Variants in RFPL1 observed in about 807,000 individuals in gnomAD.
RFPL1 encodes ret finger protein-like 1.
In RFPL1, 6 loss-of-function variants were observed where a neutral mutation model predicts 9.6. That is an observed-to-expected ratio of 0.62 (90% CI 0.34 to 1.23). The LOEUF is 1.23. Ranked by LOEUF, RFPL1 falls within the 50% of genes most tolerant of loss-of-function variation. The probability of loss-of-function intolerance (pLI) is 0.03; values close to 1 mark genes in which losing one functional copy is unlikely to be tolerated. For synonymous variants in RFPL1, 145 were observed against 149.4 expected, an observed-to-expected ratio of 0.97 and a Z score of 0.22; for missense variants, 352 against 398.4, an observed-to-expected ratio of 0.88 and a Z score of 0.99.
upstream of RFPL1, among the ~76,000 whole-genome samples, chr22:29,434,001 T>TCACA (rs3216870): frequency 0.01 from 1,548 of 149,100 alleles, 23 homozygotes; most frequent in African/African-American, 0.033. Context: ...TGACACACAC[T>TCACA]CACACACACA....
At chr22:29,412,125 C>A in the RFPL1 span, among the ~76,000 whole-genome samples, 2 of 152,088 alleles carry the variant, frequency 1.3e-5, no homozygotes, top group Non-Finnish European at 2.9e-5. Flanking sequence ...GTGAGAGGGG[C>A]AGAACAGGAA....
At chr22:29,413,560 C>T in the RFPL1 span, among the ~76,000 whole-genome samples, 1 of 152,114 alleles carries the variant, frequency 6.6e-6, no homozygotes, top group Non-Finnish European at 1.5e-5. Flanking sequence ...AGCCAAACAC[C>T]ATTTTATATT....
chr22:29,399,820 T>C, the RFPL1 span, among the ~76,000 whole-genome samples: 42 of 152,172 alleles, frequency 2.8e-4, no homozygotes, highest in Admixed American at 3.9e-4. Flanking sequence ...CTTCTCGCAG[T>C]TGTTGCTTTT....
At chr22:29,405,105 T>C in the RFPL1 span, among the ~76,000 whole-genome samples, 1 of 152,154 alleles carries the variant, frequency 6.6e-6, no homozygotes, top group Non-Finnish European at 1.5e-5. Flanking sequence ...AAATATACTA[T>C]GATATATCAA....
chr22:29,420,023 A>C, the RFPL1 span, among the ~76,000 whole-genome samples: 3 of 152,148 alleles, frequency 2.0e-5, no homozygotes, highest in African/African-American at 7.2e-5. Context: ...AGTGCAATAG[A>C]ACCTGAGTAC....
At chr22:29,419,415 G>A in the RFPL1 span, among the ~76,000 whole-genome samples, 1 of 151,864 alleles carries the variant, frequency 6.6e-6, no homozygotes, top group South Asian at 2.1e-4. Flanking sequence ...GGTGGGCCAG[G>A]CAACAGTGAG....
the RFPL1 span, among the ~76,000 whole-genome samples, chr22:29,422,004 A>G: frequency 6.6e-6 from 1 of 152,158 alleles, no homozygotes; most frequent in Non-Finnish European, 1.5e-5. Context: ...GACTCTTTTC[A>G]TCTGGTCGGC....
chr22:29,401,875 C>T, the RFPL1 span, among the ~76,000 whole-genome samples: 1 of 152,200 alleles, frequency 6.6e-6, no homozygotes, highest in Non-Finnish European at 1.5e-5. Flanking sequence ...CAGGTTGATT[C>T]ACTGTCCAGC....
chr22:29,392,309 AC>A, the RFPL1 span, among the ~76,000 whole-genome samples: 1 of 140,476 alleles, frequency 7.1e-6, no homozygotes, highest in Admixed American at 7.5e-5. Flanking sequence ...TGAACTCCTG[AC>A]TTCAGGTGAT....
chr22:29,441,974 C>T (rs1423234836), exon 2 of RFPL1: 5 of 1,614,094 alleles, frequency 3.1e-6, no homozygotes, highest in Non-Finnish European at 3.4e-6. Context: ...CATGTCTATA[C>T]ATTCAGGAGT....
chr22:29,442,288 A>G, exon 2 of RFPL1: 1 of 493,270 alleles, frequency 2.0e-6, no homozygotes, highest in Non-Finnish European at 3.5e-6. Flanking sequence ...ATTGAGTCCT[A>G]AGTATTAATT....
At chr22:29,427,354 G>A in the RFPL1 span, among the ~76,000 whole-genome samples, 3 of 152,218 alleles carry the variant, frequency 2.0e-5, no homozygotes, top group Non-Finnish European at 2.9e-5. Context: ...AGGGCCTGGT[G>A]AGATGGGGTC....
At chr22:29,416,554 A>G in the RFPL1 span, among the ~76,000 whole-genome samples, 3 of 152,320 alleles carry the variant, frequency 2.0e-5, no homozygotes, top group African/African-American at 7.2e-5. Context: ...GATGCTGAGT[A>G]AATGAAAATG....
At chr22:29,430,068 C>G in the RFPL1 span, among the ~76,000 whole-genome samples, 1 of 150,082 alleles carries the variant, frequency 6.7e-6, no homozygotes, top group Non-Finnish European at 1.5e-5. Flanking sequence ...TGATGTGACT[C>G]GTCTATGTAA....
At chr22:29,391,895 C>T in the RFPL1 span, among the ~76,000 whole-genome samples, 1 of 152,138 alleles carries the variant, frequency 6.6e-6, no homozygotes, top group Admixed American at 6.5e-5. Context: ...GAGGCTAAGG[C>T]CCTGCCCTTG....
chr22:29,410,544 T>G, the RFPL1 span, among the ~76,000 whole-genome samples: 10 of 127,958 alleles, frequency 7.8e-5, no homozygotes, highest in South Asian at 2.3e-4. Flanking sequence ...CTACTATATA[T>G]AGAGATATAT....
At chr22:29,432,647 T>C in the RFPL1 span, among the ~76,000 whole-genome samples, 1 of 152,172 alleles carries the variant, frequency 6.6e-6, no homozygotes. Context: ...TAAGCCCCAT[T>C]TGGGGTGCTC....
At chr22:29,426,315 T>A in the RFPL1 span, among the ~76,000 whole-genome samples, 1 of 140,038 alleles carries the variant, frequency 7.1e-6, no homozygotes, top group Non-Finnish European at 1.5e-5. Flanking sequence ...AGAGCAAAAC[T>A]TCATGTCAAA....
the RFPL1 span, among the ~76,000 whole-genome samples, chr22:29,409,822 C>G: frequency 6.6e-6 from 1 of 152,226 alleles, no homozygotes; most frequent in South Asian, 2.1e-4. Flanking sequence ...CTTGGTTGAT[C>G]ATGGACTCTA....
Sources: gnomAD v4.1 joint callset for allele counts (sites outside exome capture counted in the v4.1 genomes callset) on GRCh38, gnomAD v4.1.1 for gene constraint, MANE v1.5 for transcripts, NCBI Gene and HGNC (gene_info 2026-07-23, HGNC 2026-07-21) for gene names.